The following SPPL3 variants were observed in gnomAD, a reference collection of about 807,000 sequenced individuals.
SPPL3 encodes the protein signal peptide peptidase like 3, also known as signal peptide peptidase-like 3.
SPPL3 carries 5 observed loss-of-function variants against 42.4 expected under a neutral mutation model. That is an observed-to-expected ratio of 0.12 (90% CI 0.06 to 0.25). The LOEUF is 0.25. Among genes scored for constraint, SPPL3 ranks in the 10% least tolerant of loss-of-function variants. The probability of loss-of-function intolerance (pLI) is 1.00; values close to 1 mark genes in which losing one functional copy is unlikely to be tolerated. For synonymous variants in SPPL3, 195 were observed against 181.8 expected (o/e 1.07, Z -0.58); for missense variants, 235 against 489.0 (o/e 0.48, Z 4.90).
At chr12:120,866,947 T>C (rs1215505409) in intron 1 of SPPL3, among the ~76,000 whole-genome samples, 1 of 152,214 alleles carries the variant, frequency 6.6e-6, no homozygotes, top group African/African-American at 2.4e-5. Flanking sequence ...ATTAAGCAGT[T>C]TCTCTTAAAA....
chr12:120,821,453 G>A (rs1383636384), intron 1 of SPPL3, among the ~76,000 whole-genome samples: 1 of 152,152 alleles, frequency 6.6e-6, no homozygotes, highest in Non-Finnish European at 1.5e-5. Context: ...TAGGCAACTG[G>A]TTTCCTCGGA....
At chr12:120,811,439 G>C (rs537248169) in intron 1 of SPPL3, 2 of 152,332 alleles carry the variant, frequency 1.3e-5, no homozygotes, top group South Asian at 4.1e-4. Flanking sequence ...TCCTCTCAAG[G>C]AATGGTGTCA....
intron 6 of SPPL3, among the ~76,000 whole-genome samples, chr12:120,776,907 G>C (rs570838557): frequency 3.0e-4 from 46 of 152,262 alleles, no homozygotes; most frequent in Admixed American, 1.6e-3. Flanking sequence ...TATGGGCTTT[G>C]CATCTGCTAG....
chr12:120,779,507 T>C (rs1425383710), intron 6 of SPPL3, among the ~76,000 whole-genome samples: 1 of 152,212 alleles, frequency 6.6e-6, no homozygotes, highest in Non-Finnish European at 1.5e-5. Flanking sequence ...ACAAGTAGTA[T>C]AAAATTGACT....
At chr12:120,895,983 C>T (rs943081166) in intron 1 of SPPL3, among the ~76,000 whole-genome samples, 5 of 151,902 alleles carry the variant, frequency 3.3e-5, no homozygotes, top group Admixed American at 1.3e-4. Context: ...CACTTATATT[C>T]GATACAATTC....
chr12:120,766,098 GCGCA>G (rs1283072786), intron 10 of SPPL3, among the ~76,000 whole-genome samples, 161 bp downstream of exon 10: 2,145 of 144,036 alleles, frequency 0.015, 40 homozygotes, highest in African/African-American at 0.048. Context: ...TAGCGCGCGC[GCGCA>G]CACACACACA....
intron 1 of SPPL3, among the ~76,000 whole-genome samples, chr12:120,900,085 A>G (rs1367273655): frequency 6.6e-6 from 1 of 152,108 alleles, no homozygotes; most frequent in African/African-American, 2.4e-5. Flanking sequence ...TAAACATGTA[A>G]AAGTCAACAG....
chr12:120,842,975 C>T (rs1294553180), intron 1 of SPPL3, among the ~76,000 whole-genome samples: 1 of 152,174 alleles, frequency 6.6e-6, no homozygotes, highest in Non-Finnish European at 1.5e-5. Flanking sequence ...TACAAAACAA[C>T]TTCAACTATA....
At chr12:120,846,354 G>C (rs1872040337) in intron 1 of SPPL3, among the ~76,000 whole-genome samples, 1 of 152,144 alleles carries the variant, frequency 6.6e-6, no homozygotes, top group African/African-American at 2.4e-5. Flanking sequence ...GTTTAGCATG[G>C]CAATTTTATC....
At chr12:120,808,773 A>G (rs558744477) in intron 2 of SPPL3, among the ~76,000 whole-genome samples, 1 of 152,332 alleles carries the variant, frequency 6.6e-6, no homozygotes, top group South Asian at 2.1e-4. Flanking sequence ...AACTATGAAA[A>G]TGTATACAGT....
At chr12:120,858,420 C>A (rs1166757036) in intron 1 of SPPL3, among the ~76,000 whole-genome samples, 1 of 151,096 alleles carries the variant, frequency 6.6e-6, no homozygotes, top group African/African-American at 2.4e-5. Context: ...CGCAACATTG[C>A]ACTCCAGCCT....
Position 120,821,865 on chromosome 12 carries a change from A to G in SPPL3, c.24-10979T>C, listed in dbSNP as rs148120181. Among the ~76,000 whole-genome samples, 258 of 152,308 alleles carry G rather than the reference A, an allele frequency of 1.7e-3. 2 individuals carry two copies. The highest frequency in any genetic ancestry group is 6.0e-3 in the African/African-American group (248 of 41,558). On this transcript the variant is annotated intron_variant, in intron 1 of 10. Coordinates refer to ENST00000353487, the MANE Select transcript of SPPL3 (RefSeq NM_139015.5). The stretch of plus-strand genomic sequence containing the variant: ...AACCCAAGTGTCTATCGGTGAATGA[A>G]TGGATAAATAAATTGTGGTACAGCC...
At chr12:120,767,307 T>A in intron 9 of SPPL3, 87 bp downstream of exon 9, 2 of 1,381,980 alleles carry the variant, frequency 1.4e-6, no homozygotes, top group Non-Finnish European at 2.0e-6. Context: ...TTCCATCCAG[T>A]AACTGTAGCT....
chr12:120,864,203 C>A (rs909494386), intron 1 of SPPL3, among the ~76,000 whole-genome samples: 3 of 152,132 alleles, frequency 2.0e-5, no homozygotes, highest in African/African-American at 7.2e-5. Context: ...AAAATTCCAT[C>A]TATTACCACT....
chr12:120,850,279 C>T (rs1271446730), intron 1 of SPPL3, among the ~76,000 whole-genome samples: 1 of 152,050 alleles, frequency 6.6e-6, no homozygotes, highest in African/African-American at 2.4e-5. Context: ...CTCTGTTGCC[C>T]CTTTCAAATC....
At chr12:120,898,042 T>C (rs1677373596) in intron 1 of SPPL3, among the ~76,000 whole-genome samples, 1 of 152,116 alleles carries the variant, frequency 6.6e-6, no homozygotes, top group Non-Finnish European at 1.5e-5. Flanking sequence ...CCAGGCGCAG[T>C]GGCTCATGCC....
chr12:120,899,317 A>C (rs777567284), intron 1 of SPPL3, among the ~76,000 whole-genome samples: 3 of 152,198 alleles, frequency 2.0e-5, no homozygotes, highest in African/African-American at 7.2e-5. Context: ...GCCCTCTTTG[A>C]TAAGTACTTG....
intron 2 of SPPL3, among the ~76,000 whole-genome samples, chr12:120,809,329 A>C (rs952592270): frequency 1.3e-4 from 20 of 151,842 alleles, no homozygotes; most frequent in African/African-American, 4.6e-4. Flanking sequence ...TGGGCAACAG[A>C]GTGAGACTCC....
chr12:120,898,691 T>G (rs1392231903), intron 1 of SPPL3, among the ~76,000 whole-genome samples: 3 of 152,128 alleles, frequency 2.0e-5, no homozygotes, highest in Non-Finnish European at 4.4e-5. Flanking sequence ...GTGGAAACAT[T>G]AAGTGGACAG....
Sources: gnomAD v4.1 joint callset for allele counts (sites outside exome capture counted in the v4.1 genomes callset) on GRCh38, gnomAD v4.1.1 for gene constraint, MANE v1.5 for transcripts, NCBI Gene and HGNC (gene_info 2026-07-23, HGNC 2026-07-21) for gene names.